Variants in CA10 observed in about 807,000 individuals in gnomAD.
CA10 encodes the protein carbonic anhydrase-related protein 10.
Under a neutral mutation model 44.2 loss-of-function variants are expected in CA10, and 14 were observed. The ratio of observed to expected loss-of-function variants is 0.32; its 90% CI spans 0.21 to 0.50. The LOEUF (loss-of-function observed/expected upper bound fraction) is 0.50, where lower values mean the gene tolerates loss of function less well. Ranked by LOEUF, CA10 falls within the 20% of genes least tolerant of loss-of-function variation. The pLI is 0.99. For missense variants in CA10, 350 were observed against 409.7 expected (o/e 0.85, Z 1.26); for synonymous variants, 159 against 141.6 (o/e 1.12, Z -0.87).
intron 1 of CA10, among the ~76,000 whole-genome samples, chr17:52,146,076 A>G (rs896998958): frequency 1.3e-5 from 2 of 152,244 alleles, no homozygotes; most frequent in African/African-American, 4.8e-5. Flanking sequence ...AGTAGCAGAT[A>G]CTAGCTAATT....
intron 3 of CA10, among the ~76,000 whole-genome samples, chr17:51,928,608 T>G (rs558962776): frequency 6.6e-6 from 1 of 152,194 alleles, no homozygotes; most frequent in South Asian, 2.1e-4. Flanking sequence ...AAACATGTAG[T>G]TACTAGGCTG....
intron 3 of CA10, among the ~76,000 whole-genome samples, chr17:51,856,433 A>G (rs933577406): frequency 4.6e-5 from 7 of 152,186 alleles, no homozygotes; most frequent in African/African-American, 1.7e-4. Context: ...GACCACAAGG[A>G]GTCTAGAAAC....
intron 2 of CA10, among the ~76,000 whole-genome samples, chr17:52,014,334 GT>G (rs1235857416): frequency 6.6e-6 from 1 of 151,904 alleles, no homozygotes; most frequent in African/African-American, 2.4e-5. Context: ...CATGCATTAT[GT>G]GCAAAGTTGG....
chr17:51,722,095 G>A (rs965034041), intron 4 of CA10, among the ~76,000 whole-genome samples: 3 of 152,058 alleles, frequency 2.0e-5, no homozygotes, highest in African/African-American at 4.8e-5. Flanking sequence ...TTAACTTTAG[G>A]TAGATAAATC....
At chr17:52,102,676 G>A (rs1309229642) in intron 1 of CA10, among the ~76,000 whole-genome samples, 1 of 152,090 alleles carries the variant, frequency 6.6e-6, no homozygotes, top group Non-Finnish European at 1.5e-5. Flanking sequence ...CCTCCCTCTT[G>A]GGCTTCTTCA....
At chr17:51,952,380 T>A (rs1437599871) in intron 2 of CA10, among the ~76,000 whole-genome samples, 1 of 152,130 alleles carries the variant, frequency 6.6e-6, no homozygotes, top group Non-Finnish European at 1.5e-5. Context: ...GGGTTAGGAC[T>A]GCAACTTGTA....
chr17:51,822,784 T>C (rs926886322), intron 3 of CA10, among the ~76,000 whole-genome samples: 2 of 152,124 alleles, frequency 1.3e-5, no homozygotes, highest in African/African-American at 4.8e-5. Context: ...AATTGAAAGG[T>C]GTTAGGCAGG....
chr17:52,070,728 C>T lies in CA10; in HGVS notation c.136+1591G>A, dbSNP rs553279387. ...TTATTTCCTGTGGTTGTCTTAGAAG[C>T]AACAACCAACTCAAAATAGGGCCTT... is the stretch of plus-strand genomic sequence containing the variant. On this transcript the variant is annotated intron_variant, in intron 2 of 8. Coordinates refer to ENST00000451037, the MANE Select transcript of CA10 (RefSeq NM_020178.5). Among the ~76,000 whole-genome samples, 37 of 152,248 alleles carry T rather than the reference C, an allele frequency of 2.4e-4. 2 individuals are homozygous for T. In the South Asian group the frequency reaches 7.3e-3, roughly 30 times the overall value.
chr17:51,649,069 A>C (rs569087154), intron 6 of CA10, 113 bp downstream of exon 6: 14 of 707,430 alleles, frequency 2.0e-5, no homozygotes, highest in Non-Finnish European at 3.0e-5. Flanking sequence ...ACAGAACTGC[A>C]GGATCATGAA....
chr17:52,069,983 G>A (rs534932180), intron 2 of CA10, among the ~76,000 whole-genome samples: 68 of 152,280 alleles, frequency 4.5e-4, no homozygotes, highest in Middle Eastern at 6.8e-3. Flanking sequence ...GTAATAAGAG[G>A]TAAGGGGTCC....
chr17:51,845,114 C>T (rs879297945), intron 3 of CA10, among the ~76,000 whole-genome samples: 10 of 152,166 alleles, frequency 6.6e-5, no homozygotes, highest in Admixed American at 5.2e-4. Context: ...TCCCCTAGAA[C>T]CTTCAGAGGG....
intron 3 of CA10, among the ~76,000 whole-genome samples, chr17:51,796,624 A>G (rs1467277947): frequency 6.6e-6 from 1 of 152,202 alleles, no homozygotes; most frequent in Non-Finnish European, 1.5e-5. Flanking sequence ...GTCCACAACA[A>G]TAGTCACAAA....
intron 3 of CA10, among the ~76,000 whole-genome samples, chr17:51,750,404 G>C (rs1904852232): frequency 6.6e-6 from 1 of 151,944 alleles, no homozygotes; most frequent in Admixed American, 6.6e-5. Flanking sequence ...ATATTTCCAT[G>C]TCATTAACTA....
In CA10 at chr17:52,158,034, G is replaced by A; in HGVS notation, c.-248C>T. ...TGTGCTGACACATGTCCGATGCCTC[G>A]CTGCCTTGGAGGTCTCCCCGCTCGC... On this transcript the variant is annotated 5_prime_UTR_variant, in exon 1 of 9. Transcript: ENST00000451037. 1 of 562,168 alleles carries A rather than the reference G, an allele frequency of 1.8e-6. No individual in the cohort carries two copies. Among genetic ancestry groups the A allele is most frequent in the South Asian group, 2.0e-5 (1 of 49,898 alleles). 34.8% of individuals were successfully genotyped at this position (562,168 alleles called of 1,614,324 possible).
intron 6 of CA10, among the ~76,000 whole-genome samples, chr17:51,641,046 A>G (rs1291409371): frequency 2.0e-5 from 3 of 151,824 alleles, no homozygotes; most frequent in African/African-American, 7.2e-5. Context: ...TGCTTTAAGG[A>G]TGTTTATTGG....
intron 2 of CA10, among the ~76,000 whole-genome samples, chr17:52,006,681 C>T (rs1985610764): frequency 6.6e-6 from 1 of 151,758 alleles, no homozygotes; most frequent in African/African-American, 2.4e-5. Context: ...ATTTATGCTG[C>T]AATTTGCTTT....
chr17:51,806,463 T>C (rs1907142614), intron 3 of CA10, among the ~76,000 whole-genome samples: 1 of 152,192 alleles, frequency 6.6e-6, no homozygotes, highest in South Asian at 2.1e-4. Context: ...TTTGGTGGAT[T>C]GCATGGGGAA....
chr17:51,927,479 T>C (rs769508929), intron 3 of CA10, among the ~76,000 whole-genome samples: 8 of 152,168 alleles, frequency 5.3e-5, no homozygotes, highest in Non-Finnish European at 8.8e-5. Context: ...GACCTTTCAA[T>C]ACCCACCTAT....
chr17:51,957,273 T>C (rs988111127), intron 2 of CA10, among the ~76,000 whole-genome samples: 3 of 152,180 alleles, frequency 2.0e-5, no homozygotes, highest in Non-Finnish European at 4.4e-5. Context: ...ACCATCTCAC[T>C]TCCCACTGGT....
Sources: allele counts gnomAD v4.1 joint callset (sites outside exome capture counted in the v4.1 genomes callset), GRCh38; gene constraint gnomAD v4.1.1; transcripts MANE v1.5; gene names NCBI Gene and HGNC (gene_info 2026-07-23, HGNC 2026-07-21).